The following PDZD2 variants were observed in gnomAD, a reference collection of about 807,000 sequenced individuals.
The protein encoded by PDZD2 is PDZ domain containing 2, also known as PDZ domain-containing protein 2.
Under a neutral mutation model 220.7 loss-of-function variants are expected in PDZD2, and 90 were observed. The observed-to-expected ratio is 0.41, with a 90% CI of 0.34 to 0.49. The LOEUF is 0.49. Among genes scored for constraint, PDZD2 ranks in the 20% least tolerant of loss-of-function variants. PDZD2 has a pLI of 0.28. For synonymous variants in PDZD2, 1,375 were observed against 1,450.5 expected (o/e 0.95, Z 1.18); for missense variants, 3,174 against 3,608.5 (o/e 0.88, Z 3.08).
intron 14 of PDZD2, 58 bp downstream of exon 14, chr5:32,061,192 G>A (rs1739660798): frequency 1.3e-6 from 2 of 1,559,484 alleles, no homozygotes; most frequent in Non-Finnish European, 1.8e-6. Context: ...CTAGGATATC[G>A]TATACTCTTT....
chr5:31,707,159 G>A lies in PDZD2; in HGVS notation c.-361+67722G>A, dbSNP rs1210006697. On this transcript the variant is annotated intron_variant, in intron 1 of 24. Coordinates refer to ENST00000438447, the MANE Select transcript of PDZD2 (RefSeq NM_178140.4). ...CACTCACCGGGGCCTGTCATGGGGT[G>A]GGGGGAGGGGGGAGGGATAGCATTA... Among the ~76,000 whole-genome samples the A allele has an allele frequency of 6.4e-5, 8 of 124,866 alleles. No homozygotes were observed. In the East Asian group the frequency reaches 2.2e-3, roughly 34 times the overall value. The allele number at this position is 124,866 out of a possible 152,430, so 81.9% of individuals were successfully genotyped here.
intron 2 of PDZD2, among the ~76,000 whole-genome samples, chr5:31,967,419 G>A (rs1279281530): frequency 6.6e-6 from 1 of 152,134 alleles, no homozygotes; most frequent in Non-Finnish European, 1.5e-5. Context: ...TGACCTGTTG[G>A]ATTTGGCTGG....
At chr5:32,091,994 C>T (rs1419642930) in intron 20 of PDZD2, among the ~76,000 whole-genome samples, 2 of 152,106 alleles carry the variant, frequency 1.3e-5, no homozygotes, top group Non-Finnish European at 2.9e-5. Context: ...TCACTTGAGG[C>T]CAGCCGTGGT....
intron 2 of PDZD2, among the ~76,000 whole-genome samples, chr5:31,802,293 A>C (rs1342977633): frequency 6.6e-6 from 1 of 152,152 alleles, no homozygotes; most frequent in African/African-American, 2.4e-5. Flanking sequence ...TTTTTTATCT[A>C]TCTGAGCTAG....
intron 1 of PDZD2, among the ~76,000 whole-genome samples, chr5:31,747,398 G>A (rs1245892640): frequency 6.6e-6 from 1 of 152,178 alleles, no homozygotes; most frequent in Non-Finnish European, 1.5e-5. Flanking sequence ...GTGTCCCTGT[G>A]TCTTCAGTGA....
At chr5:31,823,543 G>A (rs535213129) in intron 2 of PDZD2, among the ~76,000 whole-genome samples, 2 of 152,236 alleles carry the variant, frequency 1.3e-5, no homozygotes, top group African/African-American at 4.8e-5. Flanking sequence ...AAATACTCCA[G>A]CTGACCTAGA....
At chr5:31,857,077 G>GGCTGCCTCAGCAAACCT (rs1403280623) in intron 2 of PDZD2, among the ~76,000 whole-genome samples, 9 of 151,882 alleles carry the variant, frequency 5.9e-5, no homozygotes, top group Admixed American at 1.3e-4. Context: ...CAAACTCTTG[G>GGCTGCCTCAGCAAACCT]GCTGCCTCAG....
chr5:31,971,522 C>T (rs1399807914), intron 2 of PDZD2, among the ~76,000 whole-genome samples: 4 of 152,288 alleles, frequency 2.6e-5, no homozygotes, highest in Admixed American at 2.6e-4. Flanking sequence ...AGTACCATCT[C>T]GACTCCTCAC....
chr5:32,095,068 CCAGA>C (rs1489119378), intron 21 of PDZD2, among the ~76,000 whole-genome samples: 1 of 152,180 alleles, frequency 6.6e-6, no homozygotes, highest in Non-Finnish European at 1.5e-5. Flanking sequence ...CCCCTTTACC[CCAGA>C]CATTTTAGTG....
At chr5:31,865,975 T>C (rs1375372235) in intron 2 of PDZD2, among the ~76,000 whole-genome samples, 1 of 148,512 alleles carries the variant, frequency 6.7e-6, no homozygotes, top group Non-Finnish European at 1.5e-5. Context: ...ATGGCAACTC[T>C]TGTTTTTGTT....
At chr5:31,870,832 T>C (rs1316764467) in intron 2 of PDZD2, among the ~76,000 whole-genome samples, 1 of 147,156 alleles carries the variant, frequency 6.8e-6, no homozygotes, top group Non-Finnish European at 1.5e-5. Context: ...GAGGTTGCAG[T>C]GAGTGGAAAT....
At chr5:31,774,956 G>A (rs1410369680) in intron 1 of PDZD2, among the ~76,000 whole-genome samples, 1 of 152,086 alleles carries the variant, frequency 6.6e-6, no homozygotes, top group Non-Finnish European at 1.5e-5. Flanking sequence ...CAATTTCTGT[G>A]GTGTAAACAC....
chr5:32,007,002 G>C (rs906869936), intron 5 of PDZD2, among the ~76,000 whole-genome samples: 131 of 124,926 alleles, frequency 1.0e-3, no homozygotes, highest in African/African-American at 3.7e-3. Flanking sequence ...TACAAGCTCC[G>C]CCTCCCAGGC....
At chr5:31,989,389 A>G (rs1581223975) in intron 3 of PDZD2, among the ~76,000 whole-genome samples, 1 of 141,602 alleles carries the variant, frequency 7.1e-6, no homozygotes, top group South Asian at 2.4e-4. Flanking sequence ...ATGGCTGAGG[A>G]GTATTCTGTG....
At chr5:31,882,449 C>G (rs1740015452) in intron 2 of PDZD2, among the ~76,000 whole-genome samples, 1 of 152,080 alleles carries the variant, frequency 6.6e-6, no homozygotes, top group Non-Finnish European at 1.5e-5. Context: ...TGGACAGTTC[C>G]ATAAAGAAGG....
chr5:31,788,614 C>T (rs1439570655), intron 1 of PDZD2, among the ~76,000 whole-genome samples: 2 of 150,576 alleles, frequency 1.3e-5, no homozygotes. Flanking sequence ...TGCAGTGAGC[C>T]GAGATCGTGC....
chr5:31,639,363 G>A lies in PDZD2; in HGVS notation c.-435G>A, dbSNP rs1045796521. 1 of 150,360 alleles carries A rather than the reference G, an allele frequency of 6.7e-6. No homozygotes were observed. The highest frequency in any genetic ancestry group is 2.4e-5 in the African/African-American group (1 of 41,262). 9.3% of individuals were successfully genotyped at this position (150,360 alleles called of 1,614,324 possible). ...TGGTGGCCGCGGTGGCGGCAGCTGC[G>A]CGGGGACCCGCCGGGCGGCGCCTGG... On this transcript the variant is annotated 5_prime_UTR_variant, in exon 1 of 25. Transcript: ENST00000438447. This position sits in a 1 kb window ranked among gnomAD's most constrained non-coding sequence, Gnocchi z 4.1.
At chr5:31,817,812 C>T (rs1001202237) in intron 2 of PDZD2, among the ~76,000 whole-genome samples, 4 of 151,876 alleles carry the variant, frequency 2.6e-5, no homozygotes, top group Admixed American at 2.6e-4. Context: ...TACTGGCACA[C>T]ACCACCAAGT....
At chr5:31,807,823 G>T (rs1180342045) in intron 2 of PDZD2, among the ~76,000 whole-genome samples, 1 of 152,160 alleles carries the variant, frequency 6.6e-6, no homozygotes, top group African/African-American at 2.4e-5. Flanking sequence ...GGGGCTCAGG[G>T]CGACAGGCCA....
Sources: allele counts gnomAD v4.1 joint callset (sites outside exome capture counted in the v4.1 genomes callset), GRCh38; gene constraint gnomAD v4.1.1; non-coding constraint Gnocchi (gnomAD v3.1); transcripts MANE v1.5; gene names NCBI Gene and HGNC (gene_info 2026-07-23, HGNC 2026-07-21).